Variants in HHAT observed in about 807,000 individuals in gnomAD.
The protein encoded by HHAT is hedgehog acyltransferase, also known as protein-cysteine N-palmitoyltransferase HHAT.
HHAT carries 47 observed loss-of-function variants against 70.8 expected under a neutral mutation model. The ratio of observed to expected loss-of-function variants is 0.66; its 90% confidence interval spans 0.53 to 0.85. The LOEUF (loss-of-function observed/expected upper bound fraction) is 0.85, where lower values mean the gene tolerates loss of function less well. Among genes scored for constraint, HHAT ranks in the 40% least tolerant of loss-of-function variants. HHAT has a pLI of 0.00. For missense variants in HHAT, 609 were observed against 604.8 expected (o/e 1.01, Z -0.07); for synonymous variants, 228 against 247.6 (o/e 0.92, Z 0.74).
intron 9 of HHAT, among the ~76,000 whole-genome samples, chr1:210,521,422 C>T (rs1193504573): frequency 1.3e-5 from 2 of 152,144 alleles, no homozygotes; most frequent in Admixed American, 6.5e-5. Context: ...CTTGTTGATA[C>T]CCTATACCTG....
intron 3 of HHAT, among the ~76,000 whole-genome samples, chr1:210,378,464 G>C (rs1202304605): frequency 6.6e-6 from 1 of 152,094 alleles, no homozygotes; most frequent in African/African-American, 2.4e-5. Context: ...GCTCTATACT[G>C]TTTTCTCTGA....
chr1:210,541,050 A>T (rs1042426646), intron 9 of HHAT, among the ~76,000 whole-genome samples: 4 of 152,184 alleles, frequency 2.6e-5, no homozygotes, highest in Admixed American at 1.3e-4. Flanking sequence ...CCTGTTGCCC[A>T]GTCTGGTCTT....
chr1:210,441,271 TGAATGGCTTGA>T (rs2093501029), intron 7 of HHAT, among the ~76,000 whole-genome samples: 1 of 152,222 alleles, frequency 6.6e-6, no homozygotes, highest in Non-Finnish European at 1.5e-5. Context: ...AGCAGCTTGT[TGAATGGCTTGA>T]GAATCTGAGT....
intron 1 of HHAT, among the ~76,000 whole-genome samples, chr1:210,337,543 C>G (rs986223977): frequency 6.6e-6 from 1 of 152,164 alleles, no homozygotes; most frequent in African/African-American, 2.4e-5. Flanking sequence ...TTTCCAGCCT[C>G]TAGATGACTC....
chr1:210,360,725 C>T (rs564059144), intron 2 of HHAT, among the ~76,000 whole-genome samples: 3 of 151,238 alleles, frequency 2.0e-5, no homozygotes, highest in African/African-American at 7.3e-5. Context: ...ATAAAGATGA[C>T]ATGTAAATAG....
At chr1:210,553,860 G>T (rs1346516586) in intron 9 of HHAT, among the ~76,000 whole-genome samples, 2 of 152,128 alleles carry the variant, frequency 1.3e-5, no homozygotes, top group Non-Finnish European at 2.9e-5. Flanking sequence ...CACCCCGAGT[G>T]TATCCACTTC....
intron 4 of HHAT, among the ~76,000 whole-genome samples, chr1:210,388,769 A>C (rs1027118528): frequency 6.6e-6 from 1 of 152,136 alleles, no homozygotes; most frequent in African/African-American, 2.4e-5. Flanking sequence ...TTTCCCCAAG[A>C]ATTCAAAACT....
intron 3 of HHAT, among the ~76,000 whole-genome samples, chr1:210,365,437 T>G (rs988110589): frequency 6.8e-5 from 10 of 147,174 alleles, no homozygotes; most frequent in Admixed American, 5.5e-4. Flanking sequence ...CCACATCAGC[T>G]TCCTGAGTAG....
At chr1:210,371,132 C>A (rs1256503224) in intron 3 of HHAT, among the ~76,000 whole-genome samples, 1 of 152,084 alleles carries the variant, frequency 6.6e-6, no homozygotes, top group East Asian at 1.9e-4. Context: ...CCTTCCATCA[C>A]CAATCATGGG....
chr1:210,438,305 G>A (rs1460044526), intron 7 of HHAT, among the ~76,000 whole-genome samples: 1 of 151,746 alleles, frequency 6.6e-6, no homozygotes. Context: ...TGGTTCTTTG[G>A]TGTCCTGTGG....
intron 8 of HHAT, 109 bp downstream of exon 8, chr1:210,464,764 A>G: frequency 2.7e-6 from 3 of 1,109,898 alleles, no homozygotes; most frequent in Non-Finnish European, 3.9e-6. Context: ...CTCTCACTCA[A>G]GCTGCATTTG....
chr1:210,348,783 T>G (rs938518332), intron 1 of HHAT, 150 bp from the exon 2 acceptor site: 2 of 619,158 alleles, frequency 3.2e-6, no homozygotes, highest in Non-Finnish European at 5.4e-6. Flanking sequence ...ATGGAGTAAG[T>G]TCACAGGGAG....
Position 210,515,021 on chromosome 1 carries a change from A to G in HHAT, c.1043+1833A>G, listed in dbSNP as rs2095030612. ...GAGACTGGTATCCCCTTGCTCTGGCAGGAGGCCCTTTTGGGCAGGTGCTGG... is the reference window on the plus strand; with the variant it reads ...GAGACTGGTATCCCCTTGCTCTGGCGGGAGGCCCTTTTGGGCAGGTGCTGG... On this transcript the variant is annotated intron_variant, in intron 9 of 11. Coordinates refer to ENST00000261458, the MANE Select transcript of HHAT (RefSeq NM_018194.6). Among the ~76,000 whole-genome samples, 5 of 152,318 alleles carry G rather than the reference A, an allele frequency of 3.3e-5. No individual in the cohort carries two copies. In the South Asian group the frequency reaches 1.0e-3, roughly 32 times the overall value.
At chr1:210,438,336 G>A (rs982908393) in intron 7 of HHAT, among the ~76,000 whole-genome samples, 3 of 151,776 alleles carry the variant, frequency 2.0e-5, no homozygotes, top group Non-Finnish European at 4.4e-5. Context: ...CTCACCTGGT[G>A]AATGAATTAG....
At chr1:210,424,715 G>T (rs185848277) in intron 7 of HHAT, among the ~76,000 whole-genome samples, 12 of 152,164 alleles carry the variant, frequency 7.9e-5, no homozygotes, top group Admixed American at 3.9e-4. Flanking sequence ...ATTCCATGGT[G>T]TATATGTACC....
chr1:210,596,144 C>G (rs567459895), intron 10 of HHAT, among the ~76,000 whole-genome samples: 10 of 152,216 alleles, frequency 6.6e-5, no homozygotes, highest in African/African-American at 1.2e-4. Context: ...ATTAATGTTT[C>G]TATAAGGTGT....
At chr1:210,410,523 A>ATTTT (rs35608235) in intron 6 of HHAT, among the ~76,000 whole-genome samples, 3,832 of 116,134 alleles carry the variant, frequency 0.033, 129 homozygotes, top group South Asian at 0.048. Flanking sequence ...TTATTTGTAA[A>ATTTT]TTTTTTTTTT....
chr1:210,663,580 C>A (rs1678245100), intron 11 of HHAT, among the ~76,000 whole-genome samples: 2 of 152,216 alleles, frequency 1.3e-5, no homozygotes, highest in South Asian at 4.1e-4. Context: ...GGGATGTACC[C>A]AGCCAAGCCA....
chr1:210,553,377 T>C lies in HHAT; in HGVS notation c.1044-34521T>C, dbSNP rs569290262. Among the ~76,000 whole-genome samples the C allele has an allele frequency of 4.6e-5, 7 of 152,314 alleles. No homozygotes were observed. In the East Asian group the frequency reaches 1.2e-3, roughly 25 times the overall value. ...AGAGAGGCTACAGAGCTTCCCTAGA[T>C]TCAGGAGCCTTCCAGATGGAGGGGA... On this transcript the variant is annotated intron_variant, in intron 9 of 11. Coordinates refer to ENST00000261458, the MANE Select transcript of HHAT (RefSeq NM_018194.6).
Sources: allele counts gnomAD v4.1 joint callset (sites outside exome capture counted in the v4.1 genomes callset), GRCh38; gene constraint gnomAD v4.1.1; transcripts MANE v1.5; gene names NCBI Gene and HGNC (gene_info 2026-07-23, HGNC 2026-07-21).